Variants in CA10 observed in about 807,000 individuals in gnomAD.
CA10 encodes the protein carbonic anhydrase 10 (inactive).
In CA10, 14 loss-of-function variants were observed where a neutral mutation model predicts 44.2. The ratio of observed to expected loss-of-function variants is 0.32; its 90% CI spans 0.21 to 0.50. CA10 has a LOEUF of 0.50. CA10 is among the 20% of genes least tolerant of loss of function. The pLI, the probability that CA10 is intolerant of heterozygous loss-of-function variation, is 0.99. For missense variants in CA10, 350 were observed against 409.7 expected (o/e 0.85, Z 1.26); for synonymous variants, 159 against 141.6 (o/e 1.12, Z -0.87).
intron 3 of CA10, among the ~76,000 whole-genome samples, chr17:51,792,842 A>C (rs1906572103): frequency 6.6e-6 from 1 of 152,204 alleles, no homozygotes; most frequent in Admixed American, 6.5e-5. Flanking sequence ...TCTTAACATT[A>C]TCTCAAATTC....
At chr17:51,858,108 C>T (rs893192978) in intron 3 of CA10, among the ~76,000 whole-genome samples, 1 of 152,042 alleles carries the variant, frequency 6.6e-6, no homozygotes, top group African/African-American at 2.4e-5. Context: ...CATTATATAT[C>T]TCTCTGGGAA....
chr17:51,849,153 ATACATATATG>A (rs2143818541), intron 3 of CA10, among the ~76,000 whole-genome samples: 1 of 138,570 alleles, frequency 7.2e-6, no homozygotes, highest in East Asian at 2.1e-4. Context: ...TTTTATATAT[ATACATATATG>A]TATATATATA....
chr17:51,881,187 C>G (rs141139845), intron 3 of CA10, among the ~76,000 whole-genome samples: 2,708 of 149,066 alleles, frequency 0.018, 44 homozygotes, highest in South Asian at 0.064. Context: ...TTGAAATGAG[C>G]CGAGATCACG....
intron 3 of CA10, among the ~76,000 whole-genome samples, chr17:51,756,473 T>TTG (rs1567829244): frequency 2.2e-4 from 3 of 13,812 alleles, no homozygotes; most frequent in African/African-American, 5.9e-4. Context: ...GAGGTAGTTG[T>TTG]TTTTTTTTTT....
chr17:51,707,084 C>CT (rs1044077517), intron 4 of CA10, among the ~76,000 whole-genome samples: 3 of 152,074 alleles, frequency 2.0e-5, no homozygotes, highest in African/African-American at 7.2e-5. Context: ...AGTTTTTGTT[C>CT]TTTTTTTGTT....
chr17:51,788,603 G>A (rs547715817), intron 3 of CA10, among the ~76,000 whole-genome samples: 50 of 152,198 alleles, frequency 3.3e-4, no homozygotes, highest in African/African-American at 1.0e-3. Flanking sequence ...CCATAAATAC[G>A]TGCAATTATT....
chr17:51,984,008 TA>T (rs1984742293), intron 2 of CA10, among the ~76,000 whole-genome samples: 1 of 151,836 alleles, frequency 6.6e-6, no homozygotes. Context: ...TTGAATAGTA[TA>T]ACTATCATTA....
At chr17:52,020,057 C>G (rs1469523576) in intron 2 of CA10, among the ~76,000 whole-genome samples, 1 of 151,860 alleles carries the variant, frequency 6.6e-6, no homozygotes, top group East Asian at 1.9e-4. Flanking sequence ...TCAATTTTTG[C>G]TTTACTGAAA....
intron 2 of CA10, among the ~76,000 whole-genome samples, chr17:52,068,088 G>A (rs189189216): frequency 5.3e-5 from 8 of 152,244 alleles, no homozygotes; most frequent in African/African-American, 7.2e-5. Flanking sequence ...AAAGTGGTAC[G>A]GTAGGTTTAG....
chr17:52,133,173 G>GT (rs1439754240), intron 1 of CA10, among the ~76,000 whole-genome samples: 2 of 152,158 alleles, frequency 1.3e-5, no homozygotes, highest in African/African-American at 2.4e-5. Flanking sequence ...CATGGAACAG[G>GT]TGACTGACCT....
At chr17:51,776,663 G>A (rs985135850) in intron 3 of CA10, among the ~76,000 whole-genome samples, 1 of 152,044 alleles carries the variant, frequency 6.6e-6, no homozygotes, top group Admixed American at 6.5e-5. Flanking sequence ...ATACACTTAG[G>A]TCATACTAAC....
At chr17:51,875,162 T>G (rs1980012062) in intron 3 of CA10, among the ~76,000 whole-genome samples, 1 of 152,066 alleles carries the variant, frequency 6.6e-6, no homozygotes, top group African/African-American at 2.4e-5. Flanking sequence ...TTTTTAGAGA[T>G]AGGGTCTCCC....
chr17:51,998,395 T>C (rs6504755), intron 2 of CA10, among the ~76,000 whole-genome samples: 19,158 of 152,128 alleles, frequency 0.13, 1,250 homozygotes, highest in South Asian at 0.23. Context: ...CAGTTCTTCA[T>C]GGAGTGTAGT....
chr17:52,115,961 G>A (rs992239700), intron 1 of CA10, among the ~76,000 whole-genome samples: 3 of 152,128 alleles, frequency 2.0e-5, no homozygotes, highest in Non-Finnish European at 4.4e-5. Flanking sequence ...GTGTGGTGGT[G>A]CATGCCTGTA....
intron 1 of CA10, among the ~76,000 whole-genome samples, chr17:52,150,878 A>C (rs1989688774): frequency 6.6e-6 from 1 of 152,142 alleles, no homozygotes; most frequent in African/African-American, 2.4e-5. Context: ...ACCTGAAAAT[A>C]CCAAATCTCA....
chr17:51,718,708 C>G (rs1231657618), intron 4 of CA10, among the ~76,000 whole-genome samples: 1 of 152,164 alleles, frequency 6.6e-6, no homozygotes, highest in Non-Finnish European at 1.5e-5. Flanking sequence ...AAACTAAGCC[C>G]TCCATCTGTG....
At chr17:52,070,933 C>T (rs1987663933) in intron 2 of CA10, among the ~76,000 whole-genome samples, 2 of 152,126 alleles carry the variant, frequency 1.3e-5, no homozygotes, top group Admixed American at 6.5e-5. Flanking sequence ...GGAGAGAATA[C>T]CCTTTATTTC....
At chr17:51,825,184 C>A (rs543161679) in intron 3 of CA10, among the ~76,000 whole-genome samples, 3 of 152,318 alleles carry the variant, frequency 2.0e-5, no homozygotes, top group South Asian at 4.1e-4. Flanking sequence ...TTCCTGTTGA[C>A]TGTGTGTCCA....
At chr17:51,853,636 C>T (rs1321920755) in intron 3 of CA10, among the ~76,000 whole-genome samples, 1 of 152,130 alleles carries the variant, frequency 6.6e-6, no homozygotes, top group Non-Finnish European at 1.5e-5. Context: ...CTGTAGGATG[C>T]CCTGGTGATA....
Sources: gnomAD v4.1 joint callset for allele counts (sites outside exome capture counted in the v4.1 genomes callset) on GRCh38, gnomAD v4.1.1 for gene constraint, MANE v1.5 for transcripts, NCBI Gene and HGNC (gene_info 2026-07-23, HGNC 2026-07-21) for gene names.